ATP6V0D2: variants seen among roughly 807,000 people sequenced by gnomAD.
ATP6V0D2 encodes ATPase H+ transporting V0 subunit d2, also known as V-type proton ATPase subunit d 2.
A neutral mutation model predicts 40.0 loss-of-function variants in ATP6V0D2; 40 were observed. That is an observed-to-expected ratio of 1.00 (90% CI 0.78 to 1.30). The LOEUF (loss-of-function observed/expected upper bound fraction) is 1.30. Ranked by LOEUF, ATP6V0D2 falls within the 50% of genes most tolerant of loss-of-function variation. ATP6V0D2 has a pLI of 0.00. For synonymous variants in ATP6V0D2, 179 were observed against 156.3 expected (o/e 1.15, Z -1.08); for missense variants, 470 against 423.1 (o/e 1.11, Z -0.97).
intron 5 of ATP6V0D2, among the ~76,000 whole-genome samples, chr8:86,145,287 AAGAAAG>A (rs2130280161): frequency 1.9e-5 from 2 of 105,178 alleles, no homozygotes; most frequent in South Asian, 7.3e-4. Flanking sequence ...GAAAGAAAGA[AAGAAAG>A]AAAGAAAGAA....
intron 1 of ATP6V0D2, among the ~76,000 whole-genome samples, chr8:86,106,086 C>T (rs1818467397): frequency 6.6e-6 from 1 of 151,876 alleles, no homozygotes. Flanking sequence ...GGATTCTAAG[C>T]AAGTGCTTAA....
At chr8:86,113,941 A>G in intron 2 of ATP6V0D2, 61 bp downstream of exon 2, 1 of 1,460,918 alleles carries the variant, frequency 6.8e-7, no homozygotes, top group Non-Finnish European at 9.2e-7. Flanking sequence ...ACCCCTAACA[A>G]TTACAGGGTG....
chr8:86,113,936 T>C, intron 2 of ATP6V0D2, 56 bp downstream of exon 2: 1 of 1,490,734 alleles, frequency 6.7e-7, no homozygotes, highest in Admixed American at 2.1e-5. Flanking sequence ...GGATGACCCC[T>C]AACAATTACA....
At chr8:86,119,232 CTTTTTTT>C (rs35945978) in intron 2 of ATP6V0D2, among the ~76,000 whole-genome samples, 2 of 125,966 alleles carry the variant, frequency 1.6e-5, no homozygotes, top group African/African-American at 5.9e-5. Context: ...ATCATAGGAT[CTTTTTTT>C]TTTTTTTTTT....
intron 5 of ATP6V0D2, among the ~76,000 whole-genome samples, chr8:86,149,460 G>A (rs546292660): frequency 6.6e-6 from 1 of 152,232 alleles, no homozygotes; most frequent in African/African-American, 2.4e-5. Flanking sequence ...AGATCATGTA[G>A]CCACATTCCA....
chr8:86,130,301 C>G (rs1487626546), intron 2 of ATP6V0D2, among the ~76,000 whole-genome samples: 1 of 152,038 alleles, frequency 6.6e-6, no homozygotes, highest in Non-Finnish European at 1.5e-5. Flanking sequence ...ACAGTATGGA[C>G]TTTAATTAAT....
intron 1 of ATP6V0D2, among the ~76,000 whole-genome samples, chr8:86,108,136 G>A (rs938383735): frequency 2.6e-5 from 4 of 151,928 alleles, no homozygotes; most frequent in African/African-American, 9.7e-5. Context: ...ATCTTTTTTT[G>A]TTTGTTTGTT....
At chr8:86,138,866 G>A (rs2721256) in intron 2 of ATP6V0D2, among the ~76,000 whole-genome samples, 129,761 of 152,162 alleles carry the variant, frequency 0.85, 55,456 homozygotes, top group Middle Eastern at 0.91. Flanking sequence ...ACTGTGGAGG[G>A]GCTTCTTCCG....
chr8:86,101,759 C>T (rs1818402069), intron 1 of ATP6V0D2, among the ~76,000 whole-genome samples: 1 of 152,088 alleles, frequency 6.6e-6, no homozygotes. Flanking sequence ...CAGGCATATG[C>T]AGAATTTTCC....
At chr8:86,145,227 GAAAGAA>G (rs1388850624) in intron 5 of ATP6V0D2, among the ~76,000 whole-genome samples, 44 of 32,506 alleles carry the variant, frequency 1.4e-3, no homozygotes, top group Non-Finnish European at 2.2e-3. Flanking sequence ...AAGAAAGAAA[GAAAGAA>G]AGAGAGAGAG....
At chr8:86,137,116 T>G (rs1259075253) in intron 2 of ATP6V0D2, among the ~76,000 whole-genome samples, 1 of 152,098 alleles carries the variant, frequency 6.6e-6, no homozygotes, top group African/African-American at 2.4e-5. Flanking sequence ...TCTTTAAGCC[T>G]CCATGTCCCA....
At chr8:86,151,317 G>A (rs528148214) in intron 6 of ATP6V0D2, 149 bp from the exon 7 acceptor site, 48 of 582,674 alleles carry the variant, frequency 8.2e-5, no homozygotes, top group African/African-American at 7.0e-4. Flanking sequence ...TTGTTTCTTC[G>A]GGAGGCCAAA....
At chr8:86,145,000 C>A (rs76253772) in intron 5 of ATP6V0D2, among the ~76,000 whole-genome samples, 89 of 137,584 alleles carry the variant, frequency 6.5e-4, no homozygotes, top group Non-Finnish European at 6.5e-4. Context: ...ACTAACAATA[C>A]AAAAAAAAAA....
Position 86,153,008 on chromosome 8 carries a change from A to G in ATP6V0D2, c.*31A>G, listed in dbSNP as rs777066606. 4 of 1,525,958 alleles carry G rather than the reference A, an allele frequency of 2.6e-6. No homozygotes were observed. The highest frequency in any genetic ancestry group is 2.6e-5 in the South Asian group (2 of 76,936). The allele number at this position is 1,525,958 out of a possible 1,614,324, so 94.5% of individuals were successfully genotyped here. A position where few individuals can be genotyped will look rare whatever the true frequency, so the allele number is the denominator to read the frequency against. On this transcript the variant is annotated 3_prime_UTR_variant, in exon 8 of 8. Coordinates refer to ENST00000285393, the MANE Select transcript of ATP6V0D2 (RefSeq NM_152565.1). ...GTAAGGTTCTCAAATGTAGAAAATT[A>G]TAAATGTTAAAAGGAAGTTATTGAA...
intron 1 of ATP6V0D2, among the ~76,000 whole-genome samples, chr8:86,107,448 T>C (rs536163238): frequency 6.6e-6 from 1 of 152,290 alleles, no homozygotes; most frequent in Admixed American, 6.5e-5. Context: ...AAGAGTCAGG[T>C]ATGATTCTCA....
chr8:86,119,772 A>T (rs189413082), intron 2 of ATP6V0D2, among the ~76,000 whole-genome samples: 2 of 152,202 alleles, frequency 1.3e-5, no homozygotes, highest in Non-Finnish European at 1.5e-5. Context: ...TGGTTTTGGT[A>T]GTATCAGTAT....
intron 2 of ATP6V0D2, among the ~76,000 whole-genome samples, chr8:86,119,557 A>G (rs1448974777): frequency 6.6e-6 from 1 of 152,126 alleles, no homozygotes; most frequent in Non-Finnish European, 1.5e-5. Flanking sequence ...ACATGGAAGG[A>G]AACTTAGCAT....
At chr8:86,110,503 A>T (rs921680303) in intron 1 of ATP6V0D2, among the ~76,000 whole-genome samples, 1 of 152,234 alleles carries the variant, frequency 6.6e-6, no homozygotes, top group African/African-American at 2.4e-5. Context: ...AGGACTGATC[A>T]AGGAAGACAC....
At chr8:86,117,431 T>C (rs1252574474) in intron 2 of ATP6V0D2, among the ~76,000 whole-genome samples, 1 of 152,210 alleles carries the variant, frequency 6.6e-6, no homozygotes, top group Non-Finnish European at 1.5e-5. Flanking sequence ...CAAATAGCTC[T>C]CCCTTTCTAC....
Sources: gnomAD v4.1 joint callset for allele counts (sites outside exome capture counted in the v4.1 genomes callset) on GRCh38, gnomAD v4.1.1 for gene constraint, MANE v1.5 for transcripts, NCBI Gene and HGNC (gene_info 2026-07-23, HGNC 2026-07-21) for gene names.